TMEM94: variants seen among roughly 807,000 people sequenced by gnomAD.
TMEM94 encodes ER Mg2+ ATPase.
A neutral mutation model predicts 158.6 loss-of-function variants in TMEM94; 81 were observed. The observed-to-expected ratio is 0.51, with a 90% confidence interval of 0.43 to 0.61. TMEM94 has a LOEUF of 0.61. Among genes scored for constraint, TMEM94 ranks in the 20% least tolerant of loss-of-function variants. The pLI is 0.00. For missense variants in TMEM94, 1,435 were observed against 1,762.0 expected (o/e 0.81, Z 3.32); for synonymous variants, 751 against 730.7 (o/e 1.03, Z -0.45).
At chr17:75,468,694 C>T (rs117688870) in intron 1 of TMEM94, among the ~76,000 whole-genome samples, 1 of 152,298 alleles carries the variant, frequency 6.6e-6, no homozygotes, top group East Asian at 1.9e-4. Flanking sequence ...GCCTAGGGCA[C>T]CAGCATGGGT....
In TMEM94 at chr17:75,465,654, TTTATA is replaced by T. The variant is rs201015387; in HGVS notation, c.-106-6144_-106-6140del. ...GTCTTGTTACTGAGCTATAAGAATT[TTTATA>T]TATATATATATATATATATATTTTT... On this transcript the variant is annotated intron_variant, in intron 1 of 31. Coordinates refer to ENST00000314256, the MANE Select transcript of TMEM94 (RefSeq NM_014738.6). Among the ~76,000 whole-genome samples, 16 of 68,362 alleles carry T rather than the reference TTTATA, an allele frequency of 2.3e-4. 1 individual carries two copies. The highest frequency in any genetic ancestry group is 7.9e-4 in the South Asian group (2 of 2,534). The allele number at this position is 68,362 out of a possible 152,430, so 44.8% of individuals were successfully genotyped here.
chr17:75,484,993 G>A (rs1179638638), intron 2 of TMEM94, among the ~76,000 whole-genome samples: 1 of 151,386 alleles, frequency 6.6e-6, no homozygotes, highest in African/African-American at 2.4e-5. Flanking sequence ...AGCCGAGATC[G>A]TGCCACTGCA....
At chr17:75,476,461 T>A in intron 2 of TMEM94, 3 of 1,294,666 alleles carry the variant, frequency 2.3e-6, no homozygotes, top group Non-Finnish European at 3.0e-6. Flanking sequence ...TGCCTCCTCC[T>A]CCCTCCCTGA....
At chr17:75,466,049 G>A (rs542685600) in intron 1 of TMEM94, among the ~76,000 whole-genome samples, 1 of 152,174 alleles carries the variant, frequency 6.6e-6, no homozygotes, top group East Asian at 1.9e-4. Context: ...CTCACAAGTA[G>A]TTAGGACTAC....
At position 75,463,957 on chromosome 17, in the gene TMEM94, C is replaced by T. The variant is rs544909885; in HGVS notation, c.-107+7206C>T. Among the ~76,000 whole-genome samples, 19 of 152,246 alleles carry T rather than the reference C, an allele frequency of 1.2e-4. No homozygotes were observed. The East Asian group carries it at 2.9e-3, about 23-fold the overall frequency. The stretch of plus-strand genomic sequence containing the variant: ...TACCCTGTGGGCACAACTATTAAAC[C>T]GAATACAGATCCACCTAACCGCATT... On this transcript the variant is annotated intron_variant, in intron 1 of 31. Coordinates refer to ENST00000314256, the MANE Select transcript of TMEM94 (RefSeq NM_014738.6).
At chr17:75,478,233 G>A (rs1404118144) in intron 2 of TMEM94, among the ~76,000 whole-genome samples, 1 of 141,642 alleles carries the variant, frequency 7.1e-6, no homozygotes, top group African/African-American at 2.6e-5. Flanking sequence ...TAGCCGGGAT[G>A]GTCTCGATCT....
At chr17:75,488,667 C>A in intron 6 of TMEM94, 92 bp from the exon 7 acceptor site, 1 of 1,486,780 alleles carries the variant, frequency 6.7e-7, no homozygotes, top group Non-Finnish European at 9.3e-7. Flanking sequence ...GGCTCCTAAC[C>A]CCAGCGAATG....
At chr17:75,463,082 A>ACT in intron 1 of TMEM94, among the ~76,000 whole-genome samples, 1 of 37,522 alleles carries the variant, frequency 2.7e-5, no homozygotes, top group African/African-American at 3.6e-4. Context: ...ATATATATAC[A>ACT]CACACACACA....
At chr17:75,463,008 TAAAAA>T (rs1217028321) in intron 1 of TMEM94, among the ~76,000 whole-genome samples, 25 of 5,678 alleles carry the variant, frequency 4.4e-3, no homozygotes, top group Admixed American at 0.019. Flanking sequence ...ATAAAAAAAG[TAAAAA>T]AAAAAAAAAA....
chr17:75,459,957 C>A (rs1268729640), intron 1 of TMEM94, among the ~76,000 whole-genome samples: 1 of 152,110 alleles, frequency 6.6e-6, no homozygotes, highest in East Asian at 1.9e-4. Context: ...AACAGGAATG[C>A]TTTTCTTCCG....
At chr17:75,486,202 G>A (rs1382232764) in intron 4 of TMEM94, 88 bp from the exon 5 acceptor site, 1 of 1,567,732 alleles carries the variant, frequency 6.4e-7, no homozygotes, top group African/African-American at 1.4e-5. Context: ...ACAAGGGACT[G>A]GGGTGGGAAG....
intron 2 of TMEM94, among the ~76,000 whole-genome samples, chr17:75,482,532 G>A (rs758803767): frequency 1.2e-5 from 1 of 84,582 alleles, no homozygotes; most frequent in African/African-American, 1.6e-4. Context: ...ATATATGTAT[G>A]TATGTATGTA....
At chr17:75,461,065 C>T (rs1369915565) in intron 1 of TMEM94, among the ~76,000 whole-genome samples, 1 of 144,768 alleles carries the variant, frequency 6.9e-6, no homozygotes, top group African/African-American at 2.5e-5. Context: ...TAAGAGGAAT[C>T]ATACAACATT....
chr17:75,496,572 C>T, intron 24 of TMEM94, 101 bp downstream of exon 24: 1 of 1,443,688 alleles, frequency 6.9e-7, no homozygotes. Flanking sequence ...ACCTCATTCC[C>T]CAGCCCTCCG....
chr17:75,489,709 G>A lies in TMEM94; in HGVS notation c.954+47G>A. 6.6e-7 allele frequency: 1 copy of A among 1,505,940 alleles called. No homozygotes were observed. Among genetic ancestry groups the A allele is most frequent in the Non-Finnish European group, 9.2e-7 (1 of 1,083,536 alleles). The allele number at this position is 1,505,940 out of a possible 1,614,324, so 93.3% of individuals were successfully genotyped here. A position where few individuals can be genotyped will look rare whatever the true frequency, so the allele number is the denominator to read the frequency against. On this transcript the variant is annotated intron_variant, in intron 9 of 31. Transcript: ENST00000314256. The surrounding 1 kb of genome is among the most constrained non-coding windows in gnomAD (Gnocchi z 5.0). ...CTGTCATGCTTCCCTCCGACCCGCA[G>A]GGCTGGCTCTTCTCCTAGTACCCTG...
rs142268498 is a variant in TMEM94, at chr17:75,492,668, C to T, written c.1791C>T (p.Ser597=). 58 of 1,613,754 alleles carry T rather than the reference C, an allele frequency of 3.6e-5. No homozygotes were observed. The highest frequency in any genetic ancestry group is 1.6e-4 in the Middle Eastern group (1 of 6,084). The change falls in exon 15 of 32, where the codon AGC becomes AGT. Residue 597 remains serine (S), a synonymous_variant. Transcript: ENST00000314256. This position sits in a 1 kb window ranked among gnomAD's most constrained non-coding sequence, Gnocchi z 4.4. Reference sequence around the variant, plus strand: ...TGCTGCTGAACCTGTGTGATGCCAGCGTCACCGAGCGCCTGTGCCGATTCT... The same window carrying T: ...TGCTGCTGAACCTGTGTGATGCCAGTGTCACCGAGCGCCTGTGCCGATTCT... ...LNVLLNLCDA[S]VTERLCRFSD... is the part of the protein sequence containing the mutation.
Position 75,485,929 on chromosome 17 carries a change from C to T in TMEM94, c.203C>T (p.Pro68Leu), listed in dbSNP as rs753173127. 101 of 1,613,572 alleles carry T rather than the reference C, an allele frequency of 6.3e-5. No homozygotes were observed. The highest frequency in any genetic ancestry group is 7.7e-5 in the Non-Finnish European group (91 of 1,179,884). The change falls in exon 4 of 32, where the codon CCG (proline) becomes CTG (leucine). Residue 68 changes from proline to leucine, a missense_variant. This residue lies in a region of TMEM94 where 1,051 missense variants were observed against 1,254.4 expected (regional missense o/e 0.84). Coordinates refer to ENST00000314256, the MANE Select transcript of TMEM94 (RefSeq NM_014738.6). This position sits in a 1 kb window ranked among gnomAD's most constrained non-coding sequence, Gnocchi z 5.5. ...AACCGCTGCTCCTGCTTCCACTGGC[C>T]GGGGGCCTCACTCATGCTACTGGCC... ...HSNRCSCFHW[P>L]GASLMLLAVL...
At chr17:75,457,956 C>T (rs926039705) in intron 1 of TMEM94, among the ~76,000 whole-genome samples, 1 of 152,106 alleles carries the variant, frequency 6.6e-6, no homozygotes, top group African/African-American at 2.4e-5. Flanking sequence ...AAAGTAGGAT[C>T]CTCCTATGCT....
intron 1 of TMEM94, among the ~76,000 whole-genome samples, chr17:75,461,292 G>T (rs920977852): frequency 3.3e-5 from 5 of 151,352 alleles, no homozygotes; most frequent in Non-Finnish European, 5.9e-5. Flanking sequence ...TAGAGCCGGG[G>T]TTTCGCCATG....
Sources: gnomAD v4.1 joint callset for allele counts (sites outside exome capture counted in the v4.1 genomes callset) on GRCh38, gnomAD v4.1.1 for gene constraint, gnomAD v4.1.1 regional missense constraint, Gnocchi (gnomAD v3.1) non-coding constraint, MANE v1.5 for transcripts, NCBI Gene and HGNC (gene_info 2026-07-23, HGNC 2026-07-21) for gene names.